The following POLR2B variants were observed in gnomAD, a reference collection of about 807,000 sequenced individuals.
POLR2B encodes DNA-directed RNA polymerase II subunit RPB2.
POLR2B carries 57 observed loss-of-function variants against 144.6 expected under a neutral mutation model. The observed-to-expected ratio is 0.39, with a 90% confidence interval of 0.32 to 0.49. POLR2B has a LOEUF of 0.49. POLR2B is among the 20% of genes least tolerant of loss of function. POLR2B has a pLI of 0.83. For missense variants in POLR2B, 595 were observed against 1,467.4 expected, an observed-to-expected ratio of 0.41 and a Z score of 9.71; for synonymous variants, 442 against 469.8, an observed-to-expected ratio of 0.94 and a Z score of 0.77.
chr4:56,983,691 G>A (rs1020672184), intron 1 of POLR2B, among the ~76,000 whole-genome samples: 1 of 151,914 alleles, frequency 6.6e-6, no homozygotes, highest in South Asian at 2.1e-4. Context: ...GAAAATTTTA[G>A]AGACGGGGGT....
At chr4:56,988,402 G>C (rs141427961) in intron 2 of POLR2B, among the ~76,000 whole-genome samples, 13 of 152,064 alleles carry the variant, frequency 8.5e-5, no homozygotes, top group South Asian at 4.2e-4. Context: ...GCTCGCACCT[G>C]CCCGTAATCC....
intron 8 of POLR2B, 23 bp from the exon 9 acceptor site, chr4:57,005,577 T>C (rs1012048407): frequency 3.3e-6 from 5 of 1,519,108 alleles, no homozygotes; most frequent in Middle Eastern, 1.7e-4. Context: ...CCTCTTTCTT[T>C]CTTTCTTTTT....
Position 57,017,362 on chromosome 4 carries a change from C to A in POLR2B, c.2154+121C>A. ...TTAATGAAAAGGCTATTAACTCCTA[C>A]GGAATCAGTATTTGATATAATTGCT... On this transcript the variant is annotated intron_variant, in intron 15 of 24. Transcript: ENST00000314595. This position sits in a 1 kb window ranked among gnomAD's most constrained non-coding sequence, Gnocchi z 4.8. 1.2e-6 allele frequency: 1 copy of A among 806,666 alleles called. No homozygotes were observed. The highest frequency in any genetic ancestry group is 2.0e-6 in the Non-Finnish European group (1 of 493,722). The allele number at this position is 806,666 out of a possible 1,614,324, so 50.0% of individuals were successfully genotyped here.
At chr4:56,985,453 G>A (rs560097985) in intron 1 of POLR2B, 6 of 985,398 alleles carry the variant, frequency 6.1e-6, no homozygotes, top group South Asian at 4.7e-5. Flanking sequence ...CCCGACTTTC[G>A]GGCGGTGAGT....
At chr4:57,012,915 A>G (rs1056818080) in intron 13 of POLR2B, among the ~76,000 whole-genome samples, 4 of 151,936 alleles carry the variant, frequency 2.6e-5, no homozygotes, top group African/African-American at 9.7e-5. Context: ...ATCTCGGCTC[A>G]CTGCAACGTC....
At chr4:57,001,368 A>C (rs1250563406) in intron 7 of POLR2B, among the ~76,000 whole-genome samples, 3 of 152,218 alleles carry the variant, frequency 2.0e-5, no homozygotes, top group African/African-American at 7.2e-5. Context: ...TGTGTTGGCC[A>C]AACTGGTCAC....
chr4:57,003,630 A>G (rs1300471667), intron 7 of POLR2B, among the ~76,000 whole-genome samples: 1 of 152,014 alleles, frequency 6.6e-6, no homozygotes, highest in African/African-American at 2.4e-5. Context: ...ACATGGGTAG[A>G]TCGTTTGAGG....
intron 21 of POLR2B, 59 bp downstream of exon 21, chr4:57,024,171 T>A (rs1270209954): frequency 1.7e-5 from 15 of 882,948 alleles, no homozygotes; most frequent in Non-Finnish European, 2.4e-5. Flanking sequence ...AAAACTCTGA[T>A]AGGTGATTGC....
chr4:57,018,083 C>T (rs935738684), intron 16 of POLR2B, among the ~76,000 whole-genome samples: 5 of 152,162 alleles, frequency 3.3e-5, no homozygotes, highest in South Asian at 2.1e-4. Flanking sequence ...GCAAAATGTA[C>T]GGTACAGTTA....
Position 57,023,599 on chromosome 4 carries a change from A to C in POLR2B, c.2766+19A>C, listed in dbSNP as rs773685110. 5.0e-6 allele frequency: 8 copies of C among 1,612,690 alleles called. No homozygotes were observed. The highest frequency in any genetic ancestry group is 6.8e-6 in the Non-Finnish European group (8 of 1,178,934). ...AATAAGGGTGAGTACAACTTTGTTC[A>C]TGTAGCTAGTTTTAGAAAGTAAACC... On this transcript the variant is annotated intron_variant, in intron 19 of 24. Coordinates refer to ENST00000314595, the MANE Select transcript of POLR2B (RefSeq NM_000938.3). This position sits in a 1 kb window ranked among gnomAD's most constrained non-coding sequence, Gnocchi z 4.3.
chr4:57,019,815 G>A (rs1231653792), intron 16 of POLR2B, among the ~76,000 whole-genome samples: 2 of 137,780 alleles, frequency 1.5e-5, no homozygotes, highest in African/African-American at 2.7e-5. Context: ...CAAACCTAAC[G>A]ATGTCTTTAA....
chr4:57,023,169 G>A lies in POLR2B; in HGVS notation c.2516-161G>A. The stretch of plus-strand genomic sequence containing the variant: ...TTTTTTTTTGTTTTCTGTGTGGGCT[G>A]TAGTATTAGAGTTCAGAATAGTTTG... On this transcript the variant is annotated intron_variant, in intron 18 of 24. Transcript: ENST00000314595. The surrounding 1 kb of genome is among the most constrained non-coding windows in gnomAD (Gnocchi z 4.3). The A allele has an allele frequency of 1.6e-6, 1 of 639,560 alleles. No homozygotes were observed. The allele number at this position is 639,560 out of a possible 1,614,324, so 39.6% of individuals were successfully genotyped here. A position where few individuals can be genotyped will look rare whatever the true frequency, so the allele number is the denominator to read the frequency against.
At chr4:56,996,076 A>G (rs931806567) in intron 6 of POLR2B, among the ~76,000 whole-genome samples, 6 of 152,134 alleles carry the variant, frequency 3.9e-5, no homozygotes, top group African/African-American at 1.4e-4. Context: ...AGTTATAAGC[A>G]TAGGTTGCTT....
At chr4:57,025,627 T>C in intron 23 of POLR2B, 90 bp downstream of exon 23, 1 of 765,770 alleles carries the variant, frequency 1.3e-6, no homozygotes, top group South Asian at 1.8e-5. Flanking sequence ...GTATAGTGAA[T>C]GCCTGTGTGC....
At chr4:57,003,249 G>A (rs914304737) in intron 7 of POLR2B, among the ~76,000 whole-genome samples, 1 of 151,214 alleles carries the variant, frequency 6.6e-6, no homozygotes, top group Non-Finnish European at 1.5e-5. Flanking sequence ...GGCCAACGTA[G>A]TGAAACCCTG....
intron 17 of POLR2B, among the ~76,000 whole-genome samples, 165 bp from the exon 18 acceptor site, chr4:57,021,987 G>C (rs887640372): frequency 6.6e-6 from 1 of 152,206 alleles, no homozygotes; most frequent in Non-Finnish European, 1.5e-5. Flanking sequence ...TAACTCATGT[G>C]ATAACATTTA....
intron 18 of POLR2B, among the ~76,000 whole-genome samples, chr4:57,022,540 A>T (rs1004021336): frequency 1.3e-5 from 2 of 152,212 alleles, no homozygotes; most frequent in Non-Finnish European, 2.9e-5. Flanking sequence ...TTCTGGGGAC[A>T]CACTTCACAC....
intron 1 of POLR2B, among the ~76,000 whole-genome samples, chr4:56,980,809 G>A (rs561681020): frequency 6.6e-5 from 10 of 151,432 alleles, no homozygotes; most frequent in African/African-American, 2.4e-4. Context: ...TCACTCCACA[G>A]TTTCTTTTTT....
rs1217976978 is a variant in POLR2B, at chr4:57,016,915, AAT to A, written c.1956-121_1956-120del. ...TAATATTAAACTATATATATATATA[AAT>A]ATATATGTATATTTAATATATAATA... On this transcript the variant is annotated intron_variant, in intron 14 of 24. Transcript: ENST00000314595. The A allele has an allele frequency of 2.9e-4, 73 of 249,480 alleles. No individual in the cohort carries two copies. In the South Asian group the frequency reaches 9.7e-3, roughly 33 times the overall value. 15.5% of individuals were successfully genotyped at this position (249,480 alleles called of 1,614,324 possible). A position where few individuals can be genotyped will look rare whatever the true frequency, so the allele number is the denominator to read the frequency against.
Sources: allele counts gnomAD v4.1 joint callset (sites outside exome capture counted in the v4.1 genomes callset), GRCh38; gene constraint gnomAD v4.1.1; non-coding constraint Gnocchi (gnomAD v3.1); transcripts MANE v1.5; gene names NCBI Gene and HGNC (gene_info 2026-07-23, HGNC 2026-07-21).